CCDC7: variants seen among roughly 807,000 people sequenced by gnomAD.
The protein encoded by CCDC7 is coiled-coil domain-containing protein 7.
CCDC7 carries 183 observed loss-of-function variants against 196.9 expected under a neutral mutation model. The observed-to-expected ratio is 0.93, with a 90% CI of 0.82 to 1.05. CCDC7 has a LOEUF of 1.05. CCDC7 is among the 50% of genes least tolerant of loss of function. CCDC7 has a pLI of 0.00. For synonymous variants in CCDC7, 525 were observed against 484.6 expected (o/e 1.08, Z -1.10); for missense variants, 1,540 against 1,482.2 (o/e 1.04, Z -0.64).
At chr10:32,844,507 G>A (rs888818906) in intron 33 of CCDC7, among the ~76,000 whole-genome samples, 13 of 151,808 alleles carry the variant, frequency 8.6e-5, no homozygotes, top group African/African-American at 2.9e-4. Context: ...GGAGACCATG[G>A]TTTGCAAATT....
chr10:32,693,041 T>C (rs1461936853), intron 23 of CCDC7, among the ~76,000 whole-genome samples: 1 of 152,186 alleles, frequency 6.6e-6, no homozygotes, highest in Non-Finnish European at 1.5e-5. Flanking sequence ...ACTAAAAAGA[T>C]TTCATGATTT....
intron 11 of CCDC7, among the ~76,000 whole-genome samples, chr10:32,519,520 C>T (rs571774357): frequency 2.6e-5 from 4 of 152,114 alleles, no homozygotes; most frequent in Admixed American, 6.5e-5. Context: ...TTGTTTAATG[C>T]GTAGAAACTT....
chr10:32,694,979 G>C (rs768473708), exon 24 of CCDC7: 1 of 1,576,728 alleles, frequency 6.3e-7, no homozygotes, highest in Admixed American at 1.7e-5. Flanking sequence ...TTCCTAGAGA[G>C]AAAAGACATA....
chr10:32,834,776 C>A, intron 32 of CCDC7, 39 bp from the exon 34 acceptor site: 1 of 895,830 alleles, frequency 1.1e-6, no homozygotes, highest in Non-Finnish European at 1.8e-6. Flanking sequence ...TTACAATTTA[C>A]CTTTCAAAGC....
rs776140167 is a variant in CCDC7, at chr10:32,453,451, C to A, written c.372+15C>A. ...TATCTTTATCTGTAAGTATATGCAA[C>A]CCTAATATAGAGACATTAACACTGA... is the stretch of plus-strand genomic sequence containing the variant. On this transcript the variant is annotated intron_variant, in intron 2 of 41. Transcript: ENST00000639629. 2 of 1,469,472 alleles carry A rather than the reference C, an allele frequency of 1.4e-6. No homozygotes were observed. Among genetic ancestry groups the A allele is most frequent in the Non-Finnish European group, 9.0e-7 (1 of 1,107,332 alleles). 91.0% of individuals were successfully genotyped at this position (1,469,472 alleles called of 1,614,324 possible).
chr10:32,821,586 G>C (rs1325804741), intron 31 of CCDC7, among the ~76,000 whole-genome samples: 2 of 152,162 alleles, frequency 1.3e-5, no homozygotes, highest in Non-Finnish European at 2.9e-5. Flanking sequence ...TGATAGACTG[G>C]ATTAAGAAAA....
chr10:32,455,330 T>C (rs1246332910), intron 2 of CCDC7, among the ~76,000 whole-genome samples: 4 of 151,932 alleles, frequency 2.6e-5, no homozygotes, highest in Non-Finnish European at 5.9e-5. Flanking sequence ...TTTTTATTTT[T>C]TTGAGACAGA....
At chr10:32,672,865 G>A (rs1303946091) in intron 21 of CCDC7, among the ~76,000 whole-genome samples, 1 of 152,152 alleles carries the variant, frequency 6.6e-6, no homozygotes, top group Non-Finnish European at 1.5e-5. Context: ...TTTGTGAAAG[G>A]TGTCTATATT....
At chr10:32,487,315 GT>G (rs2041315057) in intron 8 of CCDC7, among the ~76,000 whole-genome samples, 8 of 152,168 alleles carry the variant, frequency 5.3e-5, no homozygotes, top group Admixed American at 5.2e-4. Flanking sequence ...TGTAGTTCTC[GT>G]GCCTTAGTTT....
intron 25 of CCDC7, among the ~76,000 whole-genome samples, chr10:32,722,486 T>G (rs2082557630): frequency 6.6e-6 from 1 of 152,104 alleles, no homozygotes; most frequent in Non-Finnish European, 1.5e-5. Context: ...TGGTTCATTC[T>G]TGGAAAATCA....
At chr10:32,490,573 G>C (rs1039266917) in intron 8 of CCDC7, among the ~76,000 whole-genome samples, 2 of 152,140 alleles carry the variant, frequency 1.3e-5, no homozygotes, top group Non-Finnish European at 2.9e-5. Flanking sequence ...CAGACGGGCT[G>C]ATCATGAGGT....
chr10:32,868,916 G>A (rs1210834505), intron 41 of CCDC7, among the ~76,000 whole-genome samples: 1 of 152,056 alleles, frequency 6.6e-6, no homozygotes, highest in East Asian at 1.9e-4. Context: ...TTTTATGGCT[G>A]CATAGTATTC....
At chr10:32,519,256 TA>T in intron 11 of CCDC7, among the ~76,000 whole-genome samples, 1 of 152,116 alleles carries the variant, frequency 6.6e-6, no homozygotes, top group Non-Finnish European at 1.5e-5. Context: ...ACAAAAAAAC[TA>T]AAAATAGTAA....
intron 21 of CCDC7, among the ~76,000 whole-genome samples, chr10:32,671,956 AT>A (rs2074142681): frequency 6.6e-6 from 1 of 152,096 alleles, no homozygotes; most frequent in African/African-American, 2.4e-5. Flanking sequence ...AGTTCTTCTG[AT>A]TTCTTTTTCT....
intron 30 of CCDC7, among the ~76,000 whole-genome samples, chr10:32,806,298 T>C (rs2085837979): frequency 6.6e-6 from 1 of 152,168 alleles, no homozygotes; most frequent in Admixed American, 6.5e-5. Context: ...ATTATATGTC[T>C]AAAATGTCCA....
intron 21 of CCDC7, among the ~76,000 whole-genome samples, chr10:32,679,212 G>A (rs894068675): frequency 5.3e-5 from 8 of 152,094 alleles, no homozygotes; most frequent in African/African-American, 1.9e-4. Context: ...CCAATAAAAG[G>A]CCAATAATTG....
chr10:32,833,157 A>G (rs1003821997), intron 32 of CCDC7, among the ~76,000 whole-genome samples: 2 of 152,140 alleles, frequency 1.3e-5, no homozygotes, highest in Non-Finnish European at 2.9e-5. Context: ...TAGGTGTAAC[A>G]ACAGTACAAA....
chr10:32,867,873 G>C (rs914904068), intron 41 of CCDC7, among the ~76,000 whole-genome samples: 1 of 151,644 alleles, frequency 6.6e-6, no homozygotes, highest in Non-Finnish European at 1.5e-5. Context: ...CCTCCAGAAC[G>C]TTTTTTATCT....
chr10:32,465,969 C>T (rs1238892065), intron 5 of CCDC7, among the ~76,000 whole-genome samples: 1 of 152,158 alleles, frequency 6.6e-6, no homozygotes, highest in African/African-American at 2.4e-5. Flanking sequence ...ATCCACAAGT[C>T]CTCTGGGTTT....
Sources: allele counts gnomAD v4.1 joint callset (sites outside exome capture counted in the v4.1 genomes callset), GRCh38; gene constraint gnomAD v4.1.1; transcripts MANE v1.5; gene names NCBI Gene and HGNC (gene_info 2026-07-23, HGNC 2026-07-21).